The following FHIT variants were observed in gnomAD, a reference collection of about 807,000 sequenced individuals.
The protein encoded by FHIT is bis(5'-adenosyl)-triphosphatase.
In FHIT, 19 loss-of-function variants were observed where a neutral mutation model predicts 17.9. The ratio of observed to expected loss-of-function variants is 1.06; its 90% CI spans 0.74 to 1.56. The LOEUF (loss-of-function observed/expected upper bound fraction) is 1.56. FHIT is among the 40% of genes most tolerant of loss of function. The probability of loss-of-function intolerance (pLI) is 0.00; values close to 1 mark genes in which losing one functional copy is unlikely to be tolerated. For synonymous variants in FHIT, 81 were observed against 69.7 expected, an observed-to-expected ratio of 1.16 and a Z score of -0.81; for missense variants, 248 against 189.2, an observed-to-expected ratio of 1.31 and a Z score of -1.82.
chr3:60,698,669 T>C (rs1266998622), intron 4 of FHIT, among the ~76,000 whole-genome samples: 2 of 152,162 alleles, frequency 1.3e-5, no homozygotes, highest in African/African-American at 2.4e-5. Context: ...AGACTATTAA[T>C]AGTAATAAGC....
rs144856199 is a variant in FHIT at position 60,223,407 on chromosome 3, A to G, written c.104-209255T>C. Among the ~76,000 whole-genome samples, 780 of 152,316 alleles carry G rather than the reference A, an allele frequency of 5.1e-3. 9 individuals are homozygous for G. The highest frequency in any genetic ancestry group is 0.018 in the African/African-American group (742 of 41,576). Reference sequence around the variant, plus strand: ...CATTCTTGGAACCGCTGAATCATACATCATCTTTGCAACACGTAAGCGATC... The same window carrying G: ...CATTCTTGGAACCGCTGAATCATACGTCATCTTTGCAACACGTAAGCGATC... On this transcript the variant is annotated intron_variant, in intron 5 of 9. Transcript: ENST00000492590.
intron 5 of FHIT, among the ~76,000 whole-genome samples, chr3:60,286,219 G>A (rs572131055): frequency 1.3e-5 from 2 of 152,252 alleles, no homozygotes; most frequent in East Asian, 1.9e-4. Flanking sequence ...AGAAATGCAG[G>A]TGTGGCCACT....
At chr3:59,999,264 G>C (rs922223896) in intron 7 of FHIT, among the ~76,000 whole-genome samples, 7 of 152,196 alleles carry the variant, frequency 4.6e-5, no homozygotes, top group African/African-American at 1.7e-4. Context: ...ACTAGCTGCA[G>C]GATAAGATTT....
chr3:59,970,985 AAT>A (rs1224828122), intron 7 of FHIT, among the ~76,000 whole-genome samples: 1 of 152,012 alleles, frequency 6.6e-6, no homozygotes, highest in Non-Finnish European at 1.5e-5. Flanking sequence ...GTGACTTCAG[AAT>A]ATGTGTGGAC....
chr3:60,990,094 C>T (rs577177818), intron 3 of FHIT, among the ~76,000 whole-genome samples: 1 of 152,036 alleles, frequency 6.6e-6, no homozygotes, highest in Non-Finnish European at 1.5e-5. Context: ...CACCCACAAC[C>T]CTTATGTACG....
intron 3 of FHIT, among the ~76,000 whole-genome samples, chr3:60,834,601 G>A (rs1305430590): frequency 1.3e-5 from 2 of 152,054 alleles, no homozygotes; most frequent in East Asian, 1.9e-4. Context: ...GCTCACACCT[G>A]TAATACCAGC....
chr3:60,860,432 A>G (rs1269588591), intron 3 of FHIT, among the ~76,000 whole-genome samples: 1 of 139,816 alleles, frequency 7.2e-6, no homozygotes, highest in Non-Finnish European at 1.6e-5. Context: ...TATGATACAT[A>G]TATATCATGT....
Position 60,222,477 on chromosome 3 carries a change from T to C in FHIT, c.104-208325A>G, listed in dbSNP as rs574790607. On this transcript the variant is annotated intron_variant, in intron 5 of 9. Transcript: ENST00000492590. ...AAGCATTAGGTTGGTGCAAAATTAATTGTGGTTCTTGCCATTAAAAGTAAT... is the reference window on the plus strand; with the variant it reads ...AAGCATTAGGTTGGTGCAAAATTAACTGTGGTTCTTGCCATTAAAAGTAAT... 4.6e-5 allele frequency among the ~76,000 whole-genome samples: 7 copies of C among 152,258 alleles called. No homozygotes were observed. In the South Asian group the frequency reaches 8.3e-4, roughly 18 times the overall value.
chr3:61,193,046 C>G, intron 2 of FHIT, among the ~76,000 whole-genome samples: 1 of 152,226 alleles, frequency 6.6e-6, no homozygotes, highest in Non-Finnish European at 1.5e-5. Context: ...TGCTAAAAGA[C>G]AACCACCAAT....
chr3:60,031,194 G>C (rs937512933), intron 5 of FHIT, among the ~76,000 whole-genome samples: 3 of 152,244 alleles, frequency 2.0e-5, no homozygotes, highest in Non-Finnish European at 4.4e-5. Flanking sequence ...TGCAAGTCTG[G>C]TGTTGAGTTG....
chr3:60,734,034 G>A (rs1296886952), intron 4 of FHIT, among the ~76,000 whole-genome samples: 2 of 152,178 alleles, frequency 1.3e-5, no homozygotes, highest in Non-Finnish European at 2.9e-5. Flanking sequence ...GAATCCGTCT[G>A]TTGGTCTGAA....
At chr3:60,928,320 T>TA (rs112223579) in intron 3 of FHIT, among the ~76,000 whole-genome samples, 850 of 69,104 alleles carry the variant, frequency 0.012, 7 homozygotes, top group East Asian at 0.062. Flanking sequence ...CTAAAAAAAT[T>TA]AAAAAAAAAA....
chr3:60,292,488 T>C (rs1708032137), intron 5 of FHIT, among the ~76,000 whole-genome samples: 1 of 152,124 alleles, frequency 6.6e-6, no homozygotes, highest in Non-Finnish European at 1.5e-5. Context: ...GGTTTTCCTT[T>C]CTTTCTTTAA....
chr3:60,575,275 C>A (rs72885798), intron 4 of FHIT, among the ~76,000 whole-genome samples: 1 of 151,980 alleles, frequency 6.6e-6, no homozygotes, highest in Non-Finnish European at 1.5e-5. Flanking sequence ...AAAGGTATGT[C>A]GGAAGGGATG....
At chr3:61,011,703 G>C (rs879498325) in intron 3 of FHIT, among the ~76,000 whole-genome samples, 2 of 152,126 alleles carry the variant, frequency 1.3e-5, no homozygotes, top group African/African-American at 4.8e-5. Flanking sequence ...TCTGTTTAAA[G>C]ATCTCGCCTT....
chr3:61,204,390 G>C (rs1290324732), intron 1 of FHIT, among the ~76,000 whole-genome samples: 1 of 152,034 alleles, frequency 6.6e-6, no homozygotes, highest in Admixed American at 6.6e-5. Flanking sequence ...AAATTATTTT[G>C]CATGTAGGCT....
chr3:60,079,769 C>A (rs1032350260), intron 5 of FHIT, among the ~76,000 whole-genome samples: 1 of 152,020 alleles, frequency 6.6e-6, no homozygotes, highest in Admixed American at 6.6e-5. Context: ...CCTGCGCAAC[C>A]ATAAACTTCA....
intron 5 of FHIT, among the ~76,000 whole-genome samples, chr3:60,169,796 C>T (rs375675791): frequency 2.6e-5 from 4 of 152,078 alleles, no homozygotes; most frequent in East Asian, 3.9e-4. Context: ...CCGAGGCCAC[C>T]CAAACTTCAA....
chr3:60,513,154 G>A (rs2611403), intron 5 of FHIT, among the ~76,000 whole-genome samples: 85 of 152,002 alleles, frequency 5.6e-4, no homozygotes, highest in African/African-American at 2.0e-3. Context: ...GTTTGTTAGA[G>A]GGTTTGGCAC....
Sources: gnomAD v4.1 joint callset for allele counts (sites outside exome capture counted in the v4.1 genomes callset) on GRCh38, gnomAD v4.1.1 for gene constraint, MANE v1.5 for transcripts, NCBI Gene and HGNC (gene_info 2026-07-23, HGNC 2026-07-21) for gene names.